The following RAPSN variants were observed in gnomAD, a reference collection of about 807,000 sequenced individuals.
RAPSN encodes 43 kDa receptor-associated protein of the synapse.
RAPSN carries 33 observed loss-of-function variants against 45.7 expected under a neutral mutation model. That is an observed-to-expected ratio of 0.72 (90% CI 0.55 to 0.97). RAPSN has a LOEUF of 0.97. Ranked by LOEUF, RAPSN falls within the 50% of genes least tolerant of loss-of-function variation. The pLI, the probability that RAPSN is intolerant of heterozygous loss-of-function variation, is 0.00. For synonymous variants in RAPSN, 244 were observed against 233.6 expected, an observed-to-expected ratio of 1.04 and a Z score of -0.40; for missense variants, 519 against 559.4, an observed-to-expected ratio of 0.93 and a Z score of 0.73.
rs1349972822 is a variant in RAPSN, at chr11:47,438,622, C to T, written c.1166+110G>A. ...ACAGACGTGAGGCACCACGCCTGGC[C>T]AAGGTTAAGTGTTTGCTATTAGTAT... On this transcript the variant is annotated intron_variant, in intron 7 of 7. Transcript: ENST00000298854. The T allele has an allele frequency of 6.6e-6, 9 of 1,367,962 alleles. No homozygotes were observed. The East Asian group carries it at 2.3e-4, about 34-fold the overall frequency. 84.7% of individuals were successfully genotyped at this position (1,367,962 alleles called of 1,614,324 possible).
chr11:47,440,231 C>T (rs1466673994), intron 6 of RAPSN, among the ~76,000 whole-genome samples: 2 of 152,130 alleles, frequency 1.3e-5, no homozygotes, highest in Non-Finnish European at 2.9e-5. Context: ...ACCCAGTACC[C>T]ATAAGGACCC....
chr11:47,448,746 G>A (rs368964798), intron 1 of RAPSN, 27 bp downstream of exon 1: 33 of 1,603,822 alleles, frequency 2.1e-5, no homozygotes, highest in African/African-American at 1.3e-4. Context: ...CCTGACCCTC[G>A]AACGCCCCCA....
At position 47,447,838 on chromosome 11, in the gene RAPSN, G is replaced by C. The variant is rs1283004531; in HGVS notation, c.505C>G (p.Leu169Val). 1 of 1,613,170 alleles carries C rather than the reference G, an allele frequency of 6.2e-7. No individual in the cohort carries two copies. The highest frequency in any genetic ancestry group is 2.2e-5 in the East Asian group (1 of 44,840). ...TTGACCTGGGCATAGAAGCTGCCCA[G>C]GCTGCAGCACACGCGGCACTCGAGC... ...AMLECRVCCSLGSFYAQVKDY... is the reference protein window; with the variant it reads ...AMLECRVCCSVGSFYAQVKDY... The change falls in exon 2 of 8, where the codon CTG becomes GTG. Residue 169 changes from leucine (L) to valine (V), a missense_variant. Leu to Val is a conservative substitution (Grantham distance 32, BLOSUM62 1). Transcript: ENST00000298854.
intron 7 of RAPSN, 91 bp downstream of exon 7, chr11:47,438,641 T>C (rs758563186): frequency 7.0e-6 from 10 of 1,438,682 alleles, no homozygotes; most frequent in African/African-American, 1.4e-5. Flanking sequence ...GTGTTTGCTA[T>C]TAGTATTATT....
intron 2 of RAPSN, among the ~76,000 whole-genome samples, chr11:47,447,196 G>C (rs368124043): frequency 1.3e-5 from 2 of 152,058 alleles, no homozygotes; most frequent in African/African-American, 4.8e-5. Context: ...TCACCTCTGC[G>C]AGGCCCTCCG....
intron 2 of RAPSN, among the ~76,000 whole-genome samples, chr11:47,444,384 T>A (rs1489394057): frequency 2.6e-5 from 4 of 151,154 alleles, no homozygotes; most frequent in African/African-American, 7.3e-5. Context: ...ACAAAAAATT[T>A]AAAAATTAGC....
At chr11:47,443,931 CAAAAAA>C (rs1161231934) in intron 2 of RAPSN, among the ~76,000 whole-genome samples, 180 of 13,932 alleles carry the variant, frequency 0.013, no homozygotes, top group African/African-American at 0.055. Flanking sequence ...CTCTGTCTCA[CAAAAAA>C]AAAAAAAAAA....
chr11:47,441,656 C>T lies in RAPSN; in HGVS notation c.867G>A (p.Leu289=). ...IGNRLGQVQA[L]LGVAKCWVAR... is the part of the protein sequence containing the mutation. Reference sequence around the variant, plus strand: ...CCACCCAGCACTTGGCCACACCCAGCAGCGCCTGCACCTGCCCCAGGCGGT... The same window carrying T: ...CCACCCAGCACTTGGCCACACCCAGTAGCGCCTGCACCTGCCCCAGGCGGT... The change falls in exon 5 of 8, where the codon CTG becomes CTA. Residue 289 remains leucine (L), a synonymous_variant. Coordinates refer to ENST00000298854, the MANE Select transcript of RAPSN (RefSeq NM_005055.5). 1 of 1,609,504 alleles carries T rather than the reference C, an allele frequency of 6.2e-7. No individual in the cohort carries two copies. Among genetic ancestry groups the T allele is most frequent in the Non-Finnish European group, 8.5e-7 (1 of 1,179,790 alleles).
Position 47,437,978 on chromosome 11 carries a change from T to C in RAPSN, c.1236A>G (p.Val412=). 3 of 1,550,816 alleles carry C rather than the reference T, an allele frequency of 1.9e-6. No homozygotes were observed. The highest frequency in any genetic ancestry group is 1.7e-6 in the Non-Finnish European group (2 of 1,146,956). The change falls in exon 8 of 8, where the codon GTA becomes GTG. Residue 412 remains valine (V), a synonymous_variant. Coordinates refer to ENST00000298854, the MANE Select transcript of RAPSN (RefSeq NM_005055.5). The part of the protein sequence containing the change: ...CRRSSMKPGF[V] Reference sequence around the variant, plus strand: ...AGCCCACGCCTGCTGCCAGGAGTCATACAAAGCCAGGCTTCATGGATGAGC... The same window carrying C: ...AGCCCACGCCTGCTGCCAGGAGTCACACAAAGCCAGGCTTCATGGATGAGC...
intron 2 of RAPSN, among the ~76,000 whole-genome samples, chr11:47,446,663 TG>T (rs2153310674): frequency 6.6e-6 from 1 of 152,244 alleles, no homozygotes; most frequent in African/African-American, 2.4e-5. Flanking sequence ...CCCAGCACTT[TG>T]GGAGGCCAAG....
In RAPSN at chr11:47,441,677, G is replaced by A. The variant is rs1595898465; in HGVS notation, c.846C>T (p.Arg282=). The change falls in exon 5 of 8, where the codon CGC becomes CGT. Residue 282 remains arginine, a synonymous_variant. Coordinates refer to ENST00000298854, the MANE Select transcript of RAPSN (RefSeq NM_005055.5). ...CCAGCAGCGCCTGCACCTGCCCCAG[G>A]CGGTTTCCGATCTCGGTCATGATGC... ...AMSIMTEIGN[R]LGQVQALLGV... is the part of the protein sequence containing the mutation. The A allele has an allele frequency of 6.2e-7, 1 of 1,609,798 alleles. No homozygotes were observed. Among genetic ancestry groups the A allele is most frequent in the Non-Finnish European group, 8.5e-7 (1 of 1,179,848 alleles).
chr11:47,447,746 G>A, intron 2 of RAPSN, 66 bp downstream of exon 2: 3 of 1,501,006 alleles, frequency 2.0e-6, no homozygotes, highest in Non-Finnish European at 1.8e-6. Flanking sequence ...GTGCCACAGG[G>A]TGTGTGCCTC....
chr11:47,447,669 A>T, intron 2 of RAPSN, 143 bp downstream of exon 2: 2 of 1,007,022 alleles, frequency 2.0e-6, no homozygotes, highest in Non-Finnish European at 2.9e-6. Flanking sequence ...ACCTTCCTGG[A>T]TAAGCCTTTT....
At chr11:47,448,709 G>A in intron 1 of RAPSN, 64 bp downstream of exon 1, 1 of 1,590,384 alleles carries the variant, frequency 6.3e-7, no homozygotes, top group Non-Finnish European at 8.5e-7. Context: ...GAGGGGACTG[G>A]GGAGCCTGGG....
At position 47,448,926 on chromosome 11, in the gene RAPSN, C is replaced by G. The variant is rs770689515; in HGVS notation, c.39G>C (p.Gly13=). ...QDQTKQQIEK[G]LQLYQSNQTE... Reference sequence around the variant, plus strand: ...TCTGGTTGGACTGGTACAGCTGGAGCCCCTTCTCGATCTGCTGCTTGGTCT... The same window carrying G: ...TCTGGTTGGACTGGTACAGCTGGAGGCCCTTCTCGATCTGCTGCTTGGTCT... The change falls in exon 1 of 8, where the codon GGG becomes GGC. Residue 13 remains glycine (G), a synonymous_variant. Coordinates refer to ENST00000298854, the MANE Select transcript of RAPSN (RefSeq NM_005055.5). The G allele has an allele frequency of 6.2e-7, 1 of 1,614,234 alleles. No homozygotes were observed. Among genetic ancestry groups the G allele is most frequent in the Non-Finnish European group, 8.5e-7 (1 of 1,180,044 alleles).
chr11:47,438,095 C>T, intron 7 of RAPSN, 48 bp from the exon 8 acceptor site: 1 of 1,543,890 alleles, frequency 6.5e-7, no homozygotes, highest in Non-Finnish European at 8.8e-7. Flanking sequence ...CTGTCCTTCC[C>T]TCCGGGCCCT....
At position 47,442,822 on chromosome 11, in the gene RAPSN, G is replaced by A; in HGVS notation, c.532-8C>T. ...CAGGGCTTTCTCGTAGTCCTGCAGG[G>A]GACATGGAATGGAAGGAGGCAAACT... is the stretch of plus-strand genomic sequence containing the variant. On this transcript the variant is annotated splice_region_variant and splice_polypyrimidine_tract_variant and intron_variant, in intron 2 of 7. Coordinates refer to ENST00000298854, the MANE Select transcript of RAPSN (RefSeq NM_005055.5). The A allele has an allele frequency of 6.2e-7, 1 of 1,613,866 alleles. No homozygotes were observed. The highest frequency in any genetic ancestry group is 1.1e-5 in the South Asian group (1 of 91,090).
chr11:47,438,187 G>A, intron 7 of RAPSN, 140 bp from the exon 8 acceptor site: 2 of 1,039,296 alleles, frequency 1.9e-6, no homozygotes, highest in Non-Finnish European at 2.9e-6. Context: ...GAAGGGAACG[G>A]TCCCCCCAGG....
chr11:47,443,057 C>T (rs1185642606), intron 2 of RAPSN, among the ~76,000 whole-genome samples: 2 of 152,222 alleles, frequency 1.3e-5, no homozygotes, highest in African/African-American at 4.8e-5. Context: ...TAGCACAGTT[C>T]TTGGCACTTG....
Sources: allele counts gnomAD v4.1 joint callset (sites outside exome capture counted in the v4.1 genomes callset), GRCh38; gene constraint gnomAD v4.1.1; transcripts MANE v1.5; gene names NCBI Gene and HGNC (gene_info 2026-07-23, HGNC 2026-07-21).